MALT1: variants seen among roughly 807,000 people sequenced by gnomAD.
MALT1 encodes the protein mucosa-associated lymphoid tissue lymphoma translocation protein 1.
A neutral mutation model predicts 85.5 loss-of-function variants in MALT1; 36 were observed. That is an observed-to-expected ratio of 0.42 (90% confidence interval 0.32 to 0.56). MALT1 has a LOEUF of 0.56. Among genes scored for constraint, MALT1 ranks in the 20% least tolerant of loss-of-function variants. MALT1 has a pLI of 0.10. For synonymous variants in MALT1, 359 were observed against 361.3 expected (o/e 0.99, Z 0.07); for missense variants, 716 against 981.6 (o/e 0.73, Z 3.62).
intron 10 of MALT1, among the ~76,000 whole-genome samples, chr18:58,727,364 C>T (rs908316081): frequency 3.9e-5 from 6 of 152,000 alleles, no homozygotes; most frequent in African/African-American, 9.7e-5. Context: ...AGTGCGGTGG[C>T]GCAATCTCGG....
At chr18:58,738,135 T>C (rs963508358) in intron 13 of MALT1, among the ~76,000 whole-genome samples, 2 of 152,212 alleles carry the variant, frequency 1.3e-5, no homozygotes, top group Non-Finnish European at 2.9e-5. Flanking sequence ...CCATGATAAC[T>C]ACCATTCTAA....
At position 58,702,481 on chromosome 18, in the gene MALT1, A is replaced by C. The variant is rs548009838; in HGVS notation, c.649+1890A>C. ...CATGAATACTAAATATGATCATTAT[A>C]AAAAGTAGATCAGTAGATAAGCACA... On this transcript the variant is annotated intron_variant, in intron 4 of 16. Transcript: ENST00000649217. 3.9e-5 allele frequency among the ~76,000 whole-genome samples: 6 copies of C among 152,360 alleles called. No homozygotes were observed. The South Asian group carries it at 1.2e-3, about 32-fold the overall frequency.
At chr18:58,724,248 C>CG (rs1486696056) in intron 10 of MALT1, among the ~76,000 whole-genome samples, 1 of 151,784 alleles carries the variant, frequency 6.6e-6, no homozygotes, top group Non-Finnish European at 1.5e-5. Context: ...TTTTTCCCCC[C>CG]AAGATTTACC....
chr18:58,730,862 G>A (rs1030900722), intron 10 of MALT1, among the ~76,000 whole-genome samples: 5 of 152,190 alleles, frequency 3.3e-5, no homozygotes, highest in African/African-American at 4.8e-5. Flanking sequence ...AGTGGCTAAT[G>A]ATGTTGAGCA....
At chr18:58,687,451 G>A (rs1210666411) in intron 2 of MALT1, among the ~76,000 whole-genome samples, 1 of 152,166 alleles carries the variant, frequency 6.6e-6, no homozygotes, top group Non-Finnish European at 1.5e-5. Flanking sequence ...CCGTAGGAGG[G>A]ACACACATGG....
rs931841256 is a variant in MALT1 at position 58,747,915 on chromosome 18, A to G, written c.*73A>G. ...GTACTGCACTTACATAAAGTGAGAC[A>G]TTGTGAAAAGGCAAATTTGTATATG... On this transcript the variant is annotated 3_prime_UTR_variant, in exon 17 of 17. Transcript: ENST00000649217. The G allele has an allele frequency of 2.3e-6, 3 of 1,316,484 alleles. No homozygotes were observed. The highest frequency in any genetic ancestry group is 1.5e-5 in the African/African-American group (1 of 68,058). The allele number at this position is 1,316,484 out of a possible 1,614,324, so 81.6% of individuals were successfully genotyped here. A position where few individuals can be genotyped will look rare whatever the true frequency, so the allele number is the denominator to read the frequency against.
intron 2 of MALT1, among the ~76,000 whole-genome samples, chr18:58,694,563 A>C (rs1036621616): frequency 1.3e-5 from 2 of 152,260 alleles, no homozygotes; most frequent in Non-Finnish European, 2.9e-5. Flanking sequence ...AAAGCCAGCT[A>C]ACCCAGTTTT....
At chr18:58,693,970 C>T (rs1339475245) in intron 2 of MALT1, among the ~76,000 whole-genome samples, 1 of 152,186 alleles carries the variant, frequency 6.6e-6, no homozygotes, top group African/African-American at 2.4e-5. Context: ...TGATGTAAAA[C>T]TCTCCTGGCA....
At chr18:58,687,833 A>G (rs2054427855) in intron 2 of MALT1, among the ~76,000 whole-genome samples, 1 of 152,218 alleles carries the variant, frequency 6.6e-6, no homozygotes, top group East Asian at 1.9e-4. Context: ...TTATTGCTTA[A>G]TAGCATGTAC....
intron 15 of MALT1, among the ~76,000 whole-genome samples, chr18:58,744,767 T>C (rs1037725201): frequency 6.6e-6 from 1 of 152,134 alleles, no homozygotes; most frequent in Non-Finnish European, 1.5e-5. Flanking sequence ...AGGAATAAAA[T>C]GTGCTATAAA....
intron 2 of MALT1, chr18:58,691,978 A>C (rs555722812): frequency 1.6e-4 from 21 of 133,976 alleles, no homozygotes; most frequent in African/African-American, 4.8e-4. Context: ...TGGGAGATAG[A>C]GGTTGCAGTG....
chr18:58,677,349 A>G lies in MALT1; in HGVS notation c.210-3821A>G, dbSNP rs1300428689. Among the ~76,000 whole-genome samples the G allele has an allele frequency of 2.0e-5, 3 of 152,288 alleles. No homozygotes were observed. The East Asian group carries it at 5.8e-4, about 29-fold the overall frequency. On this transcript the variant is annotated intron_variant, in intron 1 of 16. Transcript: ENST00000649217. Reference sequence around the variant, plus strand: ...CAATATAGACATTAATTAAAGCATCACTTGGTTGCATTTGATGAGATGGCT... The same window carrying G: ...CAATATAGACATTAATTAAAGCATCGCTTGGTTGCATTTGATGAGATGGCT...
At chr18:58,739,459 G>C (rs974266651) in intron 13 of MALT1, among the ~76,000 whole-genome samples, 1 of 152,126 alleles carries the variant, frequency 6.6e-6, no homozygotes, top group African/African-American at 2.4e-5. Context: ...CTTTTGCCAG[G>C]CCTCAGTGCC....
intron 8 of MALT1, among the ~76,000 whole-genome samples, chr18:58,714,509 C>G (rs1198355045): frequency 6.6e-6 from 1 of 152,138 alleles, no homozygotes; most frequent in Non-Finnish European, 1.5e-5. Flanking sequence ...TTTCTTGGTG[C>G]CTCAGTCATA....
chr18:58,735,253 A>C lies in MALT1; in HGVS notation c.1527A>C (p.Gly509=). The change falls in exon 13 of 17, where the codon GGA becomes GGC. Residue 509 remains glycine (G), a synonymous_variant. Coordinates refer to ENST00000649217, the MANE Select transcript of MALT1 (RefSeq NM_006785.4). ...FEIQHSGLAN[G]IFMKFLKDRL... is the part of the protein sequence containing the mutation. ...TCCAGCATTCTGGATTGGCAAATGG[A>C]ATCTTTATGAAATTTTTAAAAGACA... 1 of 1,611,414 alleles carries C rather than the reference A, an allele frequency of 6.2e-7. No individual in the cohort carries two copies. Among genetic ancestry groups the C allele is most frequent in the Non-Finnish European group, 8.5e-7 (1 of 1,179,424 alleles).
chr18:58,685,460 AACTG>A lies in MALT1; in HGVS notation c.376+4127_376+4130del, dbSNP rs1248406439. Among the ~76,000 whole-genome samples, 3 of 152,222 alleles carry A rather than the reference AACTG, an allele frequency of 2.0e-5. No homozygotes were observed. The East Asian group carries it at 5.8e-4, about 29-fold the overall frequency. On this transcript the variant is annotated intron_variant, in intron 2 of 16. Coordinates refer to ENST00000649217, the MANE Select transcript of MALT1 (RefSeq NM_006785.4). Reference sequence around the variant, plus strand: ...TGTGGAGTTTCTCTGTCTTTTGAGAAACTGACCAAGTTTCTTTTCTGGATTTGTT... The same window carrying A: ...TGTGGAGTTTCTCTGTCTTTTGAGAAACCAAGTTTCTTTTCTGGATTTGTT...
At chr18:58,745,605 A>G in intron 15 of MALT1, 61 bp from the exon 16 acceptor site, 2 of 1,453,666 alleles carry the variant, frequency 1.4e-6, no homozygotes, top group Non-Finnish European at 9.6e-7. Flanking sequence ...CTTATGTACT[A>G]GATTATATTG....
intron 2 of MALT1, among the ~76,000 whole-genome samples, chr18:58,683,082 T>C (rs2054346318): frequency 6.6e-6 from 1 of 152,210 alleles, no homozygotes; most frequent in African/African-American, 2.4e-5. Context: ...AAGTGGTATT[T>C]ATTAATTTTT....
Position 58,745,724 on chromosome 18 carries a change from A to G in MALT1, c.1970A>G (p.Tyr657Cys), listed in dbSNP as rs143640637. The G allele has an allele frequency of 1.9e-6, 3 of 1,613,140 alleles. No homozygotes were observed. Among genetic ancestry groups the G allele is most frequent in the Admixed American group, 1.7e-5 (1 of 59,976 alleles). Reference protein sequence around the residue: ...NKGTPEETGSYLVSKDLPKHC... With the variant: ...NKGTPEETGSCLVSKDLPKHC... ...GGCACACCTGAAGAAACTGGCAGCT[A>G]CTTGGTATCAAAGGATCTTCCCAAG... The change falls in exon 16 of 17, where the codon TAC (tyrosine) becomes TGC (cysteine). Residue 657 changes from tyrosine to cysteine, a missense_variant. Physicochemically the swap from Tyr to Cys is radical, Grantham distance 194. Coordinates refer to ENST00000649217, the MANE Select transcript of MALT1 (RefSeq NM_006785.4).
Sources: allele counts gnomAD v4.1 joint callset (sites outside exome capture counted in the v4.1 genomes callset), GRCh38; gene constraint gnomAD v4.1.1; transcripts MANE v1.5; gene names NCBI Gene and HGNC (gene_info 2026-07-23, HGNC 2026-07-21).